STK32B: variants seen among roughly 807,000 people sequenced by gnomAD.
STK32B encodes serine/threonine kinase 32B.
Under a neutral mutation model 52.6 loss-of-function variants are expected in STK32B, and 43 were observed. That is an observed-to-expected ratio of 0.82 (90% CI 0.64 to 1.05). The LOEUF is 1.05. Ranked by LOEUF, STK32B falls within the 50% of genes least tolerant of loss-of-function variation. The probability of loss-of-function intolerance (pLI) is 0.00; values close to 1 mark genes in which losing one functional copy is unlikely to be tolerated. For synonymous variants in STK32B, 238 were observed against 204.3 expected (o/e 1.17, Z -1.41); for missense variants, 621 against 534.6 (o/e 1.16, Z -1.59).
At chr4:5,126,039 A>C (rs1289097669) in intron 1 of STK32B, among the ~76,000 whole-genome samples, 3 of 152,018 alleles carry the variant, frequency 2.0e-5, no homozygotes, top group Non-Finnish European at 4.4e-5. Flanking sequence ...TTGCTTCTAC[A>C]CCTCGGTCAA....
intron 3 of STK32B, among the ~76,000 whole-genome samples, chr4:5,298,730 G>T (rs1309663367): frequency 6.6e-6 from 1 of 152,064 alleles, no homozygotes; most frequent in Admixed American, 6.5e-5. Context: ...TGGGCTTTGT[G>T]GGGGTGGGAC....
chr4:5,425,056 C>T (rs977102892), intron 6 of STK32B, among the ~76,000 whole-genome samples: 10 of 152,252 alleles, frequency 6.6e-5, no homozygotes, highest in Non-Finnish European at 1.3e-4. Flanking sequence ...GAGCTGTTCA[C>T]CCCGCCACAG....
At chr4:5,078,169 C>T (rs1712194686) in intron 1 of STK32B, among the ~76,000 whole-genome samples, 1 of 152,046 alleles carries the variant, frequency 6.6e-6, no homozygotes, top group African/African-American at 2.4e-5. Context: ...ACAATACTTC[C>T]TGGAAGCTAT....
chr4:5,275,926 A>G (rs1218948136), intron 3 of STK32B, among the ~76,000 whole-genome samples: 1 of 152,140 alleles, frequency 6.6e-6, no homozygotes, highest in Non-Finnish European at 1.5e-5. Context: ...TAGGAGACCT[A>G]CTAGTAGAGA....
intron 11 of STK32B, among the ~76,000 whole-genome samples, chr4:5,478,230 A>T (rs115032372): frequency 6.6e-6 from 1 of 152,200 alleles, no homozygotes; most frequent in East Asian, 1.9e-4. Context: ...ATGAAGAGAC[A>T]ACAAATAGGG....
chr4:5,337,698 C>T (rs574045281), intron 4 of STK32B, among the ~76,000 whole-genome samples: 3 of 150,846 alleles, frequency 2.0e-5, no homozygotes, highest in Admixed American at 6.6e-5. Context: ...AGTTGAGTTA[C>T]GAGAGGTTCA....
chr4:5,176,567 C>T (rs902781476), intron 3 of STK32B, among the ~76,000 whole-genome samples: 1 of 151,814 alleles, frequency 6.6e-6, no homozygotes, highest in Non-Finnish European at 1.5e-5. Context: ...CCTCAAACTC[C>T]CAAGTAGCTG....
At chr4:5,046,838 A>G (rs1741627883), upstream of STK32B, among the ~76,000 whole-genome samples, 2 of 152,232 alleles carry the variant, frequency 1.3e-5, no homozygotes, top group Admixed American at 6.5e-5. Context: ...TCAAGAAACA[A>G]TAGATGCTGG....
chr4:5,048,932 G>A (rs1047527093), upstream of STK32B, among the ~76,000 whole-genome samples: 19 of 152,212 alleles, frequency 1.2e-4, no homozygotes, highest in Admixed American at 6.5e-4. Context: ...GAAGTGAAGG[G>A]GTTGCCGGAG....
At chr4:5,216,955 T>G (rs770138713) in intron 3 of STK32B, among the ~76,000 whole-genome samples, 17 of 152,186 alleles carry the variant, frequency 1.1e-4, no homozygotes, top group Admixed American at 1.1e-3. Flanking sequence ...TTGATAAATA[T>G]TAATCACCTC....
intron 3 of STK32B, among the ~76,000 whole-genome samples, chr4:5,236,389 T>G (rs962133549): frequency 1.3e-5 from 2 of 152,180 alleles, no homozygotes; most frequent in Non-Finnish European, 2.9e-5. Context: ...AGTGCACTTA[T>G]GATAAGTGTA....
rs1560417230 is a variant in STK32B at position 5,444,144 on chromosome 4, G to GGCTGCTTTTC, written c.563-2528_563-2527insCTGCTTTTCG. Among the ~76,000 whole-genome samples, 332 of 151,900 alleles carry GGCTGCTTTTC rather than the reference G, an allele frequency of 2.2e-3. 2 individuals carry two copies. The highest frequency in any genetic ancestry group is 0.014 in the Middle Eastern group (4 of 292). On this transcript the variant is annotated intron_variant, in intron 6 of 11. Transcript: ENST00000282908. The stretch of plus-strand genomic sequence containing the variant: ...TGGGCTCCGCCCAGTTGGAGCTTCC[G>GGCTGCTTTTC]GGCTGCTTTGTTTACCTAATCAAGC...
intron 2 of STK32B, among the ~76,000 whole-genome samples, chr4:5,163,766 T>G (rs1718643214): frequency 6.6e-6 from 1 of 152,212 alleles, no homozygotes; most frequent in African/African-American, 2.4e-5. Flanking sequence ...GTTTGGAAGC[T>G]ATCAGTAAAT....
chr4:5,077,884 C>T (rs1050314691), intron 1 of STK32B, among the ~76,000 whole-genome samples: 1 of 152,086 alleles, frequency 6.6e-6, no homozygotes, highest in Non-Finnish European at 1.5e-5. Context: ...GAAAAGGCAA[C>T]AAATAATAAC....
At chr4:5,068,998 A>G (rs780815019) in intron 1 of STK32B, among the ~76,000 whole-genome samples, 1 of 152,130 alleles carries the variant, frequency 6.6e-6, no homozygotes. Context: ...CACCAATGAT[A>G]TTGTTAACCT....
rs199893383 is a variant in STK32B at position 5,122,385 on chromosome 4, C to T, written c.53-17520C>T. On this transcript the variant is annotated intron_variant, in intron 1 of 11. Transcript: ENST00000282908. ...GTTCACTCATTCACTCATTCATTCA[C>T]TCACTCATTCATTCACTCACTCACT... Among the ~76,000 whole-genome samples, 1,432 of 148,610 alleles carry T rather than the reference C, an allele frequency of 9.6e-3. 26 individuals carry two copies. Among genetic ancestry groups the T allele is most frequent in the African/African-American group, 0.033 (1,315 of 40,274 alleles).
chr4:5,251,179 T>C (rs988435376), intron 3 of STK32B, among the ~76,000 whole-genome samples: 1 of 152,218 alleles, frequency 6.6e-6, no homozygotes, highest in African/African-American at 2.4e-5. Context: ...TCAAGGGCTT[T>C]TATAGTTTTA....
chr4:5,436,718 C>T (rs1714113705), intron 6 of STK32B: 2 of 963,236 alleles, frequency 2.1e-6, no homozygotes. Context: ...ATCACTGTGA[C>T]AGTCATGGGA....
In STK32B at chr4:5,456,901, G is replaced by T; in HGVS notation, c.761G>T (p.Gly254Val). The T allele has an allele frequency of 6.3e-7, 1 of 1,577,564 alleles. No homozygotes were observed. The highest frequency in any genetic ancestry group is 1.2e-5 in the South Asian group (1 of 84,740). The change falls in exon 8 of 12, where the codon GGG (glycine) becomes GTG (valine). Residue 254 changes from glycine to valine, a missense_variant. Gly to Val is a moderately radical substitution (Grantham distance 109). Coordinates refer to ENST00000282908, the MANE Select transcript of STK32B (RefSeq NM_018401.3). ...CACTACTCCTCCACGTGGTGCAAGGGGATGGTGGCCCTGCTGAGGAAGGTA... is the reference window on the plus strand; with the variant it reads ...CACTACTCCTCCACGTGGTGCAAGGTGATGGTGGCCCTGCTGAGGAAGGTA... ...RVHYSSTWCK[G>V]MVALLRKLLT... is the part of the protein sequence containing the mutation.
Sources: gnomAD v4.1 joint callset for allele counts (sites outside exome capture counted in the v4.1 genomes callset) on GRCh38, gnomAD v4.1.1 for gene constraint, MANE v1.5 for transcripts, NCBI Gene and HGNC (gene_info 2026-07-23, HGNC 2026-07-21) for gene names.